MYO1D: variants seen among roughly 807,000 people sequenced by gnomAD.
The protein encoded by MYO1D is myosin ID, also known as unconventional myosin-Id.
MYO1D carries 83 observed loss-of-function variants against 122.0 expected under a neutral mutation model. The observed-to-expected ratio is 0.68, with a 90% CI of 0.57 to 0.82. MYO1D has a LOEUF of 0.82. MYO1D is among the 40% of genes least tolerant of loss of function. The pLI is 0.00. For missense variants in MYO1D, 1,157 were observed against 1,269.5 expected, an observed-to-expected ratio of 0.91 and a Z score of 1.35; for synonymous variants, 464 against 446.9, an observed-to-expected ratio of 1.04 and a Z score of -0.48.
chr17:32,617,353 C>T (rs2087784586), intron 20 of MYO1D, among the ~76,000 whole-genome samples: 2 of 152,162 alleles, frequency 1.3e-5, no homozygotes, highest in South Asian at 4.1e-4. Flanking sequence ...ATGATTCCAG[C>T]CCCAGCCCTT....
At chr17:32,821,820 C>T (rs1419176117) in intron 1 of MYO1D, among the ~76,000 whole-genome samples, 2 of 152,150 alleles carry the variant, frequency 1.3e-5, no homozygotes, top group Non-Finnish European at 2.9e-5. Context: ...GATGGTGGGG[C>T]ATAATTCTGC....
intron 1 of MYO1D, among the ~76,000 whole-genome samples, chr17:32,829,015 T>TTTTTTC: frequency 6.6e-6 from 1 of 152,280 alleles, no homozygotes; most frequent in Non-Finnish European, 1.5e-5. Flanking sequence ...CTACACTGCC[T>TTTTTTC]CAATTCCACA....
At chr17:32,771,095 T>C (rs766386060) in intron 6 of MYO1D, 30 bp downstream of exon 6, 6 of 1,501,864 alleles carry the variant, frequency 4.0e-6, no homozygotes, top group East Asian at 2.3e-5. Context: ...TGATTTTCTA[T>C]TGGAGCAATC....
intron 21 of MYO1D, chr17:32,497,798 A>G (rs1909174062): frequency 6.6e-6 from 1 of 152,368 alleles, no homozygotes; most frequent in Admixed American, 6.5e-5. Flanking sequence ...TTGAATAGCA[A>G]GAAGGAAGGC....
chr17:32,730,063 T>C (rs2089619354), intron 14 of MYO1D, among the ~76,000 whole-genome samples: 1 of 152,096 alleles, frequency 6.6e-6, no homozygotes, highest in African/African-American at 2.4e-5. Context: ...CCATGTTCTT[T>C]TGTTTCTTCT....
intron 14 of MYO1D, among the ~76,000 whole-genome samples, chr17:32,731,769 G>A (rs1598048058): frequency 6.6e-6 from 1 of 152,158 alleles, no homozygotes; most frequent in Non-Finnish European, 1.5e-5. Flanking sequence ...AGCTGTGGCC[G>A]CCCAGCTACG....
chr17:32,528,237 G>A (rs1467595239), intron 21 of MYO1D, among the ~76,000 whole-genome samples: 1 of 152,316 alleles, frequency 6.6e-6, no homozygotes, highest in Middle Eastern at 3.4e-3. Flanking sequence ...GGGGAAGAAG[G>A]TATCCAGTAC....
intron 13 of MYO1D, among the ~76,000 whole-genome samples, chr17:32,744,929 G>A (rs183688598): frequency 8.0e-4 from 122 of 152,360 alleles, no homozygotes; most frequent in African/African-American, 2.7e-3. Context: ...CCTGAGGACT[G>A]CTGAGTATAC....
intron 1 of MYO1D, among the ~76,000 whole-genome samples, chr17:32,815,285 C>A (rs1334290653): frequency 6.6e-6 from 1 of 152,140 alleles, no homozygotes; most frequent in Admixed American, 6.5e-5. Context: ...TAAACTACTG[C>A]TAAAATACAT....
In MYO1D at chr17:32,775,782, C is replaced by T. The variant is rs1051284499; in HGVS notation, c.564+82G>A. Reference sequence around the variant, plus strand: ...AATAGGATTTAAAGCTATTTTGAGTCAATAAAATAAATTCTATAAATATAA... The same window carrying T: ...AATAGGATTTAAAGCTATTTTGAGTTAATAAAATAAATTCTATAAATATAA... On this transcript the variant is annotated intron_variant, in intron 4 of 21. Transcript: ENST00000318217. 52 of 1,185,162 alleles carry T rather than the reference C, an allele frequency of 4.4e-5. No homozygotes were observed. In the Admixed American group the frequency reaches 1.3e-3, roughly 30 times the overall value. The allele number at this position is 1,185,162 out of a possible 1,614,324, so 73.4% of individuals were successfully genotyped here.
At chr17:32,663,201 G>C (rs1475589285) in intron 16 of MYO1D, among the ~76,000 whole-genome samples, 1 of 152,154 alleles carries the variant, frequency 6.6e-6, no homozygotes, top group African/African-American at 2.4e-5. Flanking sequence ...ACAGGTGTGA[G>C]CCACCGCACC....
chr17:32,858,222 C>A (rs2091042915), intron 1 of MYO1D, among the ~76,000 whole-genome samples: 1 of 152,182 alleles, frequency 6.6e-6, no homozygotes, highest in South Asian at 2.1e-4. Context: ...TCATTACCTT[C>A]TTTGGGAACC....
chr17:32,758,533 T>C (rs571728310), intron 10 of MYO1D, among the ~76,000 whole-genome samples: 2 of 152,272 alleles, frequency 1.3e-5, no homozygotes, highest in South Asian at 2.1e-4. Context: ...CCCAATTGAA[T>C]AGATGAAATA....
chr17:32,752,796 A>G (rs1567624518), intron 11 of MYO1D, among the ~76,000 whole-genome samples: 1 of 152,226 alleles, frequency 6.6e-6, no homozygotes, highest in East Asian at 1.9e-4. Flanking sequence ...AGAAAAGGAA[A>G]TGCTTATACA....
In MYO1D at chr17:32,721,135, A is replaced by G. The variant is rs757363943; in HGVS notation, c.1801T>C (p.Phe601Leu). 2.5e-6 allele frequency: 4 copies of G among 1,614,032 alleles called. No individual in the cohort carries two copies. The highest frequency in any genetic ancestry group is 1.1e-5 in the South Asian group (1 of 91,080). Residue 601 changes from phenylalanine (F) to leucine (L), a missense_variant, in exon 15 of 22, where the codon TTT becomes CTT. Coordinates refer to ENST00000318217, the MANE Select transcript of MYO1D (RefSeq NM_015194.3). Reference sequence around the variant, plus strand: ...TGGTGCCGGCAGCGTTCATCATCAAATATCTGTGGAGATTTCTTGTCATTG... The same window carrying G: ...TGGTGCCGGCAGCGTTCATCATCAAGTATCTGTGGAGATTTCTTGTCATTG... ...KPNDKKSPQIFDDERCRHQVE... is the reference protein window; with the variant it reads ...KPNDKKSPQILDDERCRHQVE...
intron 21 of MYO1D, among the ~76,000 whole-genome samples, chr17:32,509,790 T>C (rs1409111004): frequency 1.3e-5 from 2 of 152,100 alleles, no homozygotes; most frequent in African/African-American, 4.8e-5. Flanking sequence ...GGTTTCACCA[T>C]GTTGGCCAGG....
intron 1 of MYO1D, among the ~76,000 whole-genome samples, chr17:32,853,626 A>G (rs2091006703): frequency 2.6e-5 from 4 of 152,216 alleles, no homozygotes; most frequent in Admixed American, 2.0e-4. Flanking sequence ...ACACAGGGGC[A>G]AGGGAAGGAT....
chr17:32,609,664 TG>T (rs2087674923), intron 20 of MYO1D, among the ~76,000 whole-genome samples: 1 of 152,154 alleles, frequency 6.6e-6, no homozygotes, highest in Non-Finnish European at 1.5e-5. Context: ...CATGTATAAA[TG>T]AACATAGAAT....
chr17:32,655,631 C>A (rs1036279165), intron 17 of MYO1D, among the ~76,000 whole-genome samples: 2 of 152,036 alleles, frequency 1.3e-5, no homozygotes, highest in African/African-American at 4.8e-5. Flanking sequence ...TTGCTTGGTG[C>A]GTCAGAGGAG....
Sources: allele counts gnomAD v4.1 joint callset (sites outside exome capture counted in the v4.1 genomes callset), GRCh38; gene constraint gnomAD v4.1.1; transcripts MANE v1.5; gene names NCBI Gene and HGNC (gene_info 2026-07-23, HGNC 2026-07-21).